HIVEP3: variants seen among roughly 807,000 people sequenced by gnomAD.
HIVEP3 encodes the protein HIVEP zinc finger 3.
A neutral mutation model predicts 152.8 loss-of-function variants in HIVEP3; 49 were observed. That is an observed-to-expected ratio of 0.32 (90% CI 0.26 to 0.41). HIVEP3 has a LOEUF of 0.41. Among genes scored for constraint, HIVEP3 ranks in the 10% least tolerant of loss-of-function variants. HIVEP3 has a pLI of 1.00. For synonymous variants in HIVEP3, 1,269 were observed against 1,289.0 expected, an observed-to-expected ratio of 0.98 and a Z score of 0.33; for missense variants, 2,790 against 3,103.3, an observed-to-expected ratio of 0.90 and a Z score of 2.40.
At chr1:41,738,468 G>A (rs1260079456) in intron 1 of HIVEP3, among the ~76,000 whole-genome samples, 1 of 152,182 alleles carries the variant, frequency 6.6e-6, no homozygotes, top group African/African-American at 2.4e-5. Flanking sequence ...TATAGCATAA[G>A]AATGTTTAAA....
intron 5 of HIVEP3, among the ~76,000 whole-genome samples, chr1:41,569,890 G>T (rs1179009458): frequency 6.6e-6 from 1 of 152,174 alleles, no homozygotes; most frequent in Non-Finnish European, 1.5e-5. Flanking sequence ...CCTTCAACTG[G>T]AACAGTAATG....
chr1:41,735,944 G>A (rs1424246137), intron 1 of HIVEP3, among the ~76,000 whole-genome samples: 1 of 152,110 alleles, frequency 6.6e-6, no homozygotes, highest in East Asian at 1.9e-4. Flanking sequence ...AAAAAGGCAA[G>A]AACACTGAAT....
intron 1 of HIVEP3, among the ~76,000 whole-genome samples, chr1:41,714,726 G>A (rs544058345): frequency 6.6e-6 from 1 of 152,302 alleles, no homozygotes; most frequent in African/African-American, 2.4e-5. Context: ...CTTCTGGACA[G>A]CACCAAAACT....
intron 1 of HIVEP3, among the ~76,000 whole-genome samples, chr1:41,912,972 T>C (rs746580046): frequency 1.1e-3 from 160 of 152,340 alleles, no homozygotes; most frequent in Admixed American, 3.1e-3. Flanking sequence ...ACATGGCAAT[T>C]TGTCTTTTCT....
upstream of HIVEP3, among the ~76,000 whole-genome samples, chr1:41,921,103 T>C (rs1349417976): frequency 6.6e-6 from 1 of 152,148 alleles, no homozygotes; most frequent in Non-Finnish European, 1.5e-5. Flanking sequence ...TACGGGGGCT[T>C]TTGGTTTGGG....
chr1:41,882,533 A>T (rs571971481), intron 1 of HIVEP3, among the ~76,000 whole-genome samples: 8 of 152,314 alleles, frequency 5.3e-5, no homozygotes, highest in African/African-American at 1.7e-4. Context: ...CCCATGAAAA[A>T]GACATCATCA....
intron 5 of HIVEP3, among the ~76,000 whole-genome samples, chr1:41,572,953 C>G (rs1644272425): frequency 6.6e-6 from 1 of 152,220 alleles, no homozygotes; most frequent in African/African-American, 2.4e-5. Context: ...GAATGCACTT[C>G]TCTACTCCCA....
intron 1 of HIVEP3, among the ~76,000 whole-genome samples, chr1:42,004,829 G>T (rs116558599): frequency 1.3e-5 from 2 of 152,244 alleles, no homozygotes; most frequent in East Asian, 3.9e-4. Flanking sequence ...GTGAAGCCTG[G>T]CAGTCTGTGT....
In HIVEP3 at chr1:41,511,468, A is replaced by C. The variant is rs1644455069; in HGVS notation, c.6406-202T>G. On this transcript the variant is annotated intron_variant, in intron 8 of 8. Transcript: ENST00000372583. This position sits in a 1 kb window ranked among gnomAD's most constrained non-coding sequence, Gnocchi z 4.9. ...GCCATCTCTGGAATGGGCCATCTCCAGCTCGACAGTGACCATGAGTATGCT... is the reference window on the plus strand; with the variant it reads ...GCCATCTCTGGAATGGGCCATCTCCCGCTCGACAGTGACCATGAGTATGCT... Among the ~76,000 whole-genome samples the C allele has an allele frequency of 6.6e-6, 1 of 152,174 alleles. No homozygotes were observed. The highest frequency in any genetic ancestry group is 2.1e-4 in the South Asian group (1 of 4,822).
intron 5 of HIVEP3, among the ~76,000 whole-genome samples, chr1:41,527,008 C>A (rs1642973488): frequency 8.4e-6 from 1 of 119,008 alleles, no homozygotes; most frequent in African/African-American, 3.2e-5. Flanking sequence ...CTCACACTCG[C>A]TTACACCCCC....
chr1:41,543,556 G>A (rs1643584752), intron 5 of HIVEP3: 1 of 152,256 alleles, frequency 6.6e-6, no homozygotes, highest in Admixed American at 6.5e-5. Context: ...TGCCCTCTCT[G>A]GTCTCCAGCC....
At chr1:41,745,248 G>A (rs1647054484) in intron 1 of HIVEP3, among the ~76,000 whole-genome samples, 7 of 152,178 alleles carry the variant, frequency 4.6e-5, no homozygotes, top group Admixed American at 4.6e-4. Flanking sequence ...GAGCACAGGA[G>A]GTCACTGCCC....
At chr1:41,720,106 C>T (rs1407211496) in intron 1 of HIVEP3, among the ~76,000 whole-genome samples, 1 of 152,342 alleles carries the variant, frequency 6.6e-6, no homozygotes, top group East Asian at 1.9e-4. Flanking sequence ...AAGCTACTTG[C>T]TTTCCTACGT....
At chr1:41,656,864 C>T (rs1005483502) in intron 2 of HIVEP3, among the ~76,000 whole-genome samples, 8 of 152,152 alleles carry the variant, frequency 5.3e-5, no homozygotes, top group Admixed American at 6.5e-5. Context: ...GTTCTCCTGC[C>T]CGACCACTCC....
upstream of HIVEP3, among the ~76,000 whole-genome samples, chr1:41,920,433 T>G (rs1440481343): frequency 3.3e-5 from 5 of 152,142 alleles, no homozygotes; most frequent in Admixed American, 2.0e-4. Context: ...GGAGTCTCAG[T>G]GACATTCCTA....
At position 41,513,509 on chromosome 1, in the gene HIVEP3, A is replaced by T; in HGVS notation, c.5712T>A (p.Asp1904Glu). ...TAGCCTCCGTGCCAGAGGCGGGGGC[A>T]TCTGGGGGCTGAGGGCCCAGGATGG... ...SSPILGPQPP[D>E]APASGTEATR... The change falls in exon 8 of 9, where the codon GAT becomes GAA. Residue 1904 changes from aspartate (D) to glutamate (E), a missense_variant. By Grantham distance (45) the Asp-to-Glu change is conservative. Transcript: ENST00000372583. 6.2e-7 allele frequency: 1 copy of T among 1,603,870 alleles called. No individual in the cohort carries two copies. The highest frequency in any genetic ancestry group is 1.3e-5 in the African/African-American group (1 of 74,848).
At chr1:41,681,046 A>G (rs1570300273) in intron 2 of HIVEP3, among the ~76,000 whole-genome samples, 1 of 151,976 alleles carries the variant, frequency 6.6e-6, no homozygotes, top group East Asian at 1.9e-4. Context: ...CTCAAAGTCC[A>G]TCCTATTCCA....
intron 3 of HIVEP3, among the ~76,000 whole-genome samples, chr1:41,624,258 G>T (rs181502910): frequency 1.7e-3 from 256 of 152,256 alleles, no homozygotes; most frequent in Middle Eastern, 3.4e-3. Context: ...TTTGCTGAAG[G>T]GGTAGTCTCC....
At chr1:41,545,502 AC>A (rs1643752077) in intron 5 of HIVEP3, among the ~76,000 whole-genome samples, 1 of 143,940 alleles carries the variant, frequency 6.9e-6, no homozygotes, top group Admixed American at 7.0e-5. Flanking sequence ...CACCACCACT[AC>A]CACCATCGCT....
Sources: gnomAD v4.1 joint callset for allele counts (sites outside exome capture counted in the v4.1 genomes callset) on GRCh38, gnomAD v4.1.1 for gene constraint, Gnocchi (gnomAD v3.1) non-coding constraint, MANE v1.5 for transcripts, NCBI Gene and HGNC (gene_info 2026-07-23, HGNC 2026-07-21) for gene names.